Variants in ARFGEF2 observed in about 807,000 individuals in gnomAD.
The protein encoded by ARFGEF2 is brefeldin A-inhibited guanine nucleotide-exchange protein 2.
Under a neutral mutation model 219.9 loss-of-function variants are expected in ARFGEF2, and 74 were observed. The ratio of observed to expected loss-of-function variants is 0.34; its 90% CI spans 0.28 to 0.41. The LOEUF is 0.41. ARFGEF2 is among the 10% of genes least tolerant of loss of function. ARFGEF2 has a pLI of 1.00. For missense variants in ARFGEF2, 1,743 were observed against 2,218.3 expected, an observed-to-expected ratio of 0.79 and a Z score of 4.30; for synonymous variants, 733 against 799.2, an observed-to-expected ratio of 0.92 and a Z score of 1.40.
In ARFGEF2 at chr20:49,018,911, A is replaced by C. The variant is rs776033637; in HGVS notation, c.4537A>C (p.Ser1513Arg). ...LDVDLDRQSL[S>R]SIDKNPSERG... ...TGTGGATCTGGACCGCCAGTCTTTA[A>C]GCAGCATAGATAAAAATCCCTCTGA... Residue 1513 changes from serine (S) to arginine (R), a missense_variant, in exon 34 of 39, where the codon AGC becomes CGC. By Grantham distance (110) the Ser-to-Arg change is moderately radical. This residue lies in a region of ARFGEF2 where 578 missense variants were observed against 664.0 expected (regional missense o/e 0.87). Coordinates refer to ENST00000371917, the MANE Select transcript of ARFGEF2 (RefSeq NM_006420.3). The C allele has an allele frequency of 1.9e-6, 3 of 1,614,068 alleles. No homozygotes were observed. In the South Asian group the frequency reaches 3.3e-5, roughly 18 times the overall value.
intron 26 of ARFGEF2, 77 bp from the exon 27 acceptor site, chr20:49,010,155 C>T: frequency 6.5e-7 from 1 of 1,535,962 alleles, no homozygotes; most frequent in Non-Finnish European, 8.8e-7. Flanking sequence ...AGTGCTGCTT[C>T]TAAGGGATGA....
Position 49,025,003 on chromosome 20 carries a change from T to TA in ARFGEF2, c.4756-308dup, listed in dbSNP as rs572333783. On this transcript the variant is annotated intron_variant, in intron 35 of 38. Transcript: ENST00000371917. ...AGAAACTCTTGTCTCAAAATAATAA[T>TA]AATAATAATAATTCATTCCTGTAAT... Among the ~76,000 whole-genome samples the TA allele has an allele frequency of 2.0e-5, 3 of 152,080 alleles. No homozygotes were observed. The South Asian group carries it at 6.2e-4, about 32-fold the overall frequency.
intron 7 of ARFGEF2, among the ~76,000 whole-genome samples, chr20:48,964,943 G>A (rs1005001471): frequency 8.5e-5 from 13 of 152,114 alleles, no homozygotes; most frequent in African/African-American, 2.9e-4. Context: ...TTACTTATGT[G>A]CCCATGTCTA....
At chr20:48,989,735 T>C (rs760110635) in intron 20 of ARFGEF2, 51 bp downstream of exon 20, 1 of 1,612,002 alleles carries the variant, frequency 6.2e-7, no homozygotes, top group Non-Finnish European at 8.5e-7. Flanking sequence ...TGTGCTCTTT[T>C]AGATTTGGCA....
chr20:48,942,043 C>A, intron 3 of ARFGEF2, 56 bp downstream of exon 3: 1 of 1,609,792 alleles, frequency 6.2e-7, no homozygotes, highest in South Asian at 1.1e-5. Flanking sequence ...CACAGTTGGT[C>A]CTTACACAGA....
At position 48,945,260 on chromosome 20, in the gene ARFGEF2, C is replaced by G. The variant is rs1052632822; in HGVS notation, c.276+3273C>G. Among the ~76,000 whole-genome samples the G allele has an allele frequency of 2.8e-4, 42 of 152,100 alleles. 1 individual carries two copies. The highest frequency in any genetic ancestry group is 4.6e-4 in the Admixed American group (7 of 15,266). On this transcript the variant is annotated intron_variant, in intron 3 of 38. Coordinates refer to ENST00000371917, the MANE Select transcript of ARFGEF2 (RefSeq NM_006420.3). ...TTTCAGTCTGTAGCAACAGCTATGC[C>G]CATTCGTTTATGTATTACCTGTGGC...
At chr20:48,970,961 G>T (rs1210691263) in intron 9 of ARFGEF2, among the ~76,000 whole-genome samples, 159 bp from the exon 10 acceptor site, 1 of 152,194 alleles carries the variant, frequency 6.6e-6, no homozygotes, top group Non-Finnish European at 1.5e-5. Context: ...ATTCCAGAAG[G>T]ACCCAACTCA....
intron 27 of ARFGEF2, among the ~76,000 whole-genome samples, chr20:49,010,651 G>A (rs185512020): frequency 6.6e-5 from 10 of 152,200 alleles, no homozygotes; most frequent in Non-Finnish European, 1.2e-4. Context: ...GCAGATAAAC[G>A]TGAATGTTAT....
At chr20:48,974,934 G>C (rs1320325724) in intron 13 of ARFGEF2, 60 bp downstream of exon 13, 37 of 1,369,838 alleles carry the variant, frequency 2.7e-5, no homozygotes, top group Non-Finnish European at 3.8e-5. Context: ...CGACTGCTAG[G>C]AACAGTTGTC....
At position 48,941,843 on chromosome 20, in the gene ARFGEF2, C is replaced by T. The variant is rs199783477; in HGVS notation, c.153-21C>T. 12 of 1,614,116 alleles carry T rather than the reference C, an allele frequency of 7.4e-6. No homozygotes were observed. In the East Asian group the frequency reaches 1.8e-4, roughly 24 times the overall value. ...TAGAAAATTCATTTCTTCTCCCGAC[C>T]CTCTCTTGCTTTTCTCCTAGGCTTG... On this transcript the variant is annotated intron_variant, in intron 2 of 38. Transcript: ENST00000371917.
chr20:48,984,886 A>G (rs1221544249), intron 15 of ARFGEF2, 46 bp downstream of exon 15: 3 of 1,611,622 alleles, frequency 1.9e-6, no homozygotes, highest in African/African-American at 1.3e-5. Context: ...CTGTCAGGTG[A>G]TTGTGAGCCC....
In ARFGEF2 at chr20:49,016,399, G is replaced by A. The variant is rs144201853; in HGVS notation, c.4299G>A (p.Gln1433=). The A allele has an allele frequency of 1.4e-5, 23 of 1,613,012 alleles. No homozygotes were observed. The African/African-American group carries it at 2.4e-4, about 17-fold the overall frequency. The change falls in exon 31 of 39, where the codon CAG becomes CAA. Residue 1433 remains glutamine (Q), a synonymous_variant. Transcript: ENST00000371917. The part of the protein sequence containing the change: ...VLLSDVFAQL[Q]WCVKQDNEQL... ...TTTCTGATGTATTTGCACAATTGCA[G>A]TGGTGTGTCAAACAAGGTACTCTTT...
chr20:48,950,811 A>AATATATATATATATAT (rs71184245), intron 3 of ARFGEF2, among the ~76,000 whole-genome samples: 10 of 64,508 alleles, frequency 1.6e-4, no homozygotes, highest in South Asian at 6.1e-4. Context: ...AAAAAAAAAA[A>AATATATATATATATAT]ATATATATAT....
At chr20:49,020,331 A>G (rs192721805) in intron 34 of ARFGEF2, among the ~76,000 whole-genome samples, 1 of 152,372 alleles carries the variant, frequency 6.6e-6, no homozygotes, top group Non-Finnish European at 1.5e-5. Context: ...AAGGAATAAA[A>G]GTAGTCACCC....
At chr20:48,951,240 G>C (rs959772595) in intron 3 of ARFGEF2, 83 bp from the exon 4 acceptor site, 13 of 1,546,142 alleles carry the variant, frequency 8.4e-6, no homozygotes, top group Non-Finnish European at 1.1e-5. Flanking sequence ...GGAAGTGCCT[G>C]TCTTTTGCTC....
chr20:48,982,456 G>T (rs1010351598), intron 14 of ARFGEF2, among the ~76,000 whole-genome samples: 2 of 152,212 alleles, frequency 1.3e-5, no homozygotes, highest in African/African-American at 2.4e-5. Flanking sequence ...GCTACATGGG[G>T]GTCAGGGTCC....
In ARFGEF2 at chr20:49,028,640, T is replaced by C. The variant is rs2091616866; in HGVS notation, c.5035T>C (p.Trp1679Arg). 1.9e-6 allele frequency: 3 copies of C among 1,614,078 alleles called. No individual in the cohort carries two copies. Among genetic ancestry groups the C allele is most frequent in the Admixed American group, 1.7e-5 (1 of 59,996 alleles). ...TGTTGATGAGAACCGCAGGGATTCC[T>C]GGGAAGAAATACAGCAGAGACTTTT... is the stretch of plus-strand genomic sequence containing the variant. ...MYVDENRRDS[W>R]EEIQQRLLTV... The change falls in exon 37 of 39, where the codon TGG (tryptophan) becomes CGG (arginine). Residue 1679 changes from tryptophan to arginine, a missense_variant. Physicochemically the swap from Trp to Arg is moderately radical, Grantham distance 101. Transcript: ENST00000371917.
rs757762257 is a variant in ARFGEF2, at chr20:49,016,429, C to A, written c.4315+14C>A. The A allele has an allele frequency of 6.2e-7, 1 of 1,609,670 alleles. No homozygotes were observed. The highest frequency in any genetic ancestry group is 1.1e-5 in the South Asian group (1 of 91,048). On this transcript the variant is annotated intron_variant, in intron 31 of 38. Coordinates refer to ENST00000371917, the MANE Select transcript of ARFGEF2 (RefSeq NM_006420.3). ...GTGTCAAACAAGGTACTCTTTAAGC[C>A]TCTAGGCATCATTTTTCTTACATAG...
chr20:48,967,840 A>G (rs1372008229), intron 8 of ARFGEF2, among the ~76,000 whole-genome samples: 1 of 152,196 alleles, frequency 6.6e-6, no homozygotes, highest in Non-Finnish European at 1.5e-5. Flanking sequence ...ATGATGAGTA[A>G]TAAGGTCATT....
Sources: allele counts gnomAD v4.1 joint callset (sites outside exome capture counted in the v4.1 genomes callset), GRCh38; gene constraint gnomAD v4.1.1; regional missense constraint gnomAD v4.1.1; transcripts MANE v1.5; gene names NCBI Gene and HGNC (gene_info 2026-07-23, HGNC 2026-07-21).